FAM110B: variants seen among roughly 807,000 people sequenced by gnomAD.
The protein encoded by FAM110B is protein FAM110B.
In FAM110B, 6 loss-of-function variants were observed where a neutral mutation model predicts 20.4. The ratio of observed to expected loss-of-function variants is 0.29; its 90% CI spans 0.16 to 0.58. The LOEUF is 0.58. Ranked by LOEUF, FAM110B falls within the 20% of genes least tolerant of loss-of-function variation. FAM110B has a pLI of 0.90. For missense variants in FAM110B, 434 were observed against 498.2 expected, an observed-to-expected ratio of 0.87 and a Z score of 1.23; for synonymous variants, 226 against 214.1, an observed-to-expected ratio of 1.06 and a Z score of -0.49.
intron 3 of FAM110B, among the ~76,000 whole-genome samples, chr8:58,083,002 C>T (rs1462357019): frequency 1.4e-5 from 2 of 146,600 alleles, no homozygotes; most frequent in Non-Finnish European, 3.0e-5. Flanking sequence ...CAGAGCAAGA[C>T]CCTGATTCTT....
intron 1 of FAM110B, among the ~76,000 whole-genome samples, chr8:57,998,582 A>G (rs962667569): frequency 3.9e-5 from 6 of 152,250 alleles, no homozygotes; most frequent in Non-Finnish European, 8.8e-5. Context: ...TAGAAATACA[A>G]AAATGTAATA....
intron 2 of FAM110B, among the ~76,000 whole-genome samples, chr8:58,040,252 GTGGAT>G (rs528881362): frequency 4.6e-5 from 7 of 152,088 alleles, no homozygotes; most frequent in Non-Finnish European, 7.4e-5. Flanking sequence ...TGTCCCCAAA[GTGGAT>G]TCATCTGCAT....
chr8:58,127,267 T>A (rs1051393113), intron 3 of FAM110B, among the ~76,000 whole-genome samples: 1 of 152,220 alleles, frequency 6.6e-6, no homozygotes, highest in African/African-American at 2.4e-5. Context: ...TGTGCATCTG[T>A]CCTTCCATCA....
At chr8:58,057,325 T>C (rs370259965) in intron 2 of FAM110B, among the ~76,000 whole-genome samples, 1 of 152,196 alleles carries the variant, frequency 6.6e-6, no homozygotes, top group East Asian at 1.9e-4. Context: ...GAGTGAGAAT[T>C]GTCAGACATG....
chr8:58,102,084 T>C (rs983057018), intron 3 of FAM110B, among the ~76,000 whole-genome samples: 2 of 152,234 alleles, frequency 1.3e-5, no homozygotes, highest in Non-Finnish European at 2.9e-5. Flanking sequence ...TTTCCTTTCA[T>C]TCAACAATGA....
intron 3 of FAM110B, among the ~76,000 whole-genome samples, chr8:58,106,849 A>C (rs1806930505): frequency 6.6e-6 from 1 of 152,242 alleles, no homozygotes; most frequent in Non-Finnish European, 1.5e-5. Flanking sequence ...AAAGACTGAA[A>C]GTCTAAAACC....
chr8:58,084,926 G>T (rs16923023), intron 3 of FAM110B, among the ~76,000 whole-genome samples: 1 of 151,922 alleles, frequency 6.6e-6, no homozygotes, highest in African/African-American at 2.4e-5. Context: ...CAAGGAGTAG[G>T]TTGCACCCTG....
chr8:58,053,101 T>A (rs561593181), intron 2 of FAM110B, among the ~76,000 whole-genome samples: 12 of 152,288 alleles, frequency 7.9e-5, no homozygotes, highest in African/African-American at 2.9e-4. Flanking sequence ...GATGGACTCT[T>A]ACTGCTGTGA....
At chr8:58,096,073 T>A (rs946471070) in intron 3 of FAM110B, among the ~76,000 whole-genome samples, 3 of 152,212 alleles carry the variant, frequency 2.0e-5, no homozygotes, top group Non-Finnish European at 4.4e-5. Context: ...CCTGCTTTTA[T>A]TTGCTTTCCA....
chr8:58,056,851 C>T (rs1012578605), intron 2 of FAM110B, among the ~76,000 whole-genome samples: 3 of 152,164 alleles, frequency 2.0e-5, no homozygotes, highest in African/African-American at 7.2e-5. Flanking sequence ...GCTGTAACAG[C>T]AGGATGTAGT....
intron 1 of FAM110B, among the ~76,000 whole-genome samples, chr8:57,995,326 C>T (rs1481706853): frequency 1.3e-5 from 2 of 152,240 alleles, no homozygotes; most frequent in Admixed American, 6.5e-5. Context: ...CCACCTAATC[C>T]TTTGCTGAGA....
In FAM110B at chr8:58,010,183, G is replaced by GTT. The variant is rs34438201; in HGVS notation, c.-512+15393_-512+15394dup. 3.0e-4 allele frequency among the ~76,000 whole-genome samples: 42 copies of GTT among 140,712 alleles called. 1 individual carries two copies. Among genetic ancestry groups the GTT allele is most frequent in the South Asian group, 4.7e-4 (2 of 4,294 alleles). 92.3% of individuals were successfully genotyped at this position (140,712 alleles called of 152,430 possible). ...AGATGCGCAACATGACGCCCTGCTA[G>GTT]TTTTTTTTTTTTTTTTTAAGTATAG... On this transcript the variant is annotated intron_variant, in intron 1 of 3. Transcript: ENST00000519262.
intron 2 of FAM110B, among the ~76,000 whole-genome samples, chr8:58,045,963 G>A (rs1374965456): frequency 6.6e-6 from 1 of 152,168 alleles, no homozygotes; most frequent in African/African-American, 2.4e-5. Flanking sequence ...GGGTTCACAA[G>A]GCAGAAGGGA....
chr8:58,120,693 A>T (rs944035966), intron 3 of FAM110B, among the ~76,000 whole-genome samples: 42 of 152,194 alleles, frequency 2.8e-4, no homozygotes, highest in African/African-American at 1.0e-3. Context: ...TGAGGTTTTG[A>T]TTTATTACCC....
At chr8:58,109,150 G>A (rs1412259726) in intron 3 of FAM110B, among the ~76,000 whole-genome samples, 2 of 152,048 alleles carry the variant, frequency 1.3e-5, no homozygotes, top group South Asian at 2.1e-4. Flanking sequence ...GAACTCTTAC[G>A]TGTCTTATCT....
At chr8:58,082,170 G>T (rs1385785778) in intron 3 of FAM110B, among the ~76,000 whole-genome samples, 1 of 152,112 alleles carries the variant, frequency 6.6e-6, no homozygotes, top group Non-Finnish European at 1.5e-5. Context: ...TTCCTGAAGA[G>T]GAATGAAGTG....
chr8:58,034,575 G>A (rs1410209589), intron 2 of FAM110B, among the ~76,000 whole-genome samples: 1 of 152,144 alleles, frequency 6.6e-6, no homozygotes, highest in African/African-American at 2.4e-5. Flanking sequence ...TGGGAAAGCT[G>A]TTTACTTGAT....
intron 1 of FAM110B, among the ~76,000 whole-genome samples, chr8:58,002,709 A>G (rs970677025): frequency 4.6e-5 from 7 of 152,212 alleles, no homozygotes; most frequent in African/African-American, 1.7e-4. Flanking sequence ...ACTGTAGTCT[A>G]TTAAGTGTGC....
intron 3 of FAM110B, among the ~76,000 whole-genome samples, chr8:58,107,377 C>T (rs905834960): frequency 1.3e-5 from 2 of 151,998 alleles, no homozygotes; most frequent in African/African-American, 4.8e-5. Context: ...AAAGAAGGCC[C>T]ACCGGGATTC....
Sources: allele counts gnomAD v4.1 joint callset (sites outside exome capture counted in the v4.1 genomes callset), GRCh38; gene constraint gnomAD v4.1.1; transcripts MANE v1.5; gene names NCBI Gene and HGNC (gene_info 2026-07-23, HGNC 2026-07-21).